Variants in KIAA1217 observed in about 807,000 individuals in gnomAD.
KIAA1217 encodes KIAA1217.
Under a neutral mutation model 163.9 loss-of-function variants are expected in KIAA1217, and 88 were observed. The ratio of observed to expected loss-of-function variants is 0.54; its 90% CI spans 0.45 to 0.64. The LOEUF is 0.64. Ranked by LOEUF, KIAA1217 falls within the 30% of genes least tolerant of loss-of-function variation. The pLI is 0.00. For missense variants in KIAA1217, 2,372 were observed against 2,475.0 expected (o/e 0.96, Z 0.88); for synonymous variants, 903 against 923.1 (o/e 0.98, Z 0.39).
At chr10:24,501,334 T>C (rs1328710907) in intron 8 of KIAA1217, 45 bp from the exon 9 acceptor site, 3 of 1,577,162 alleles carry the variant, frequency 1.9e-6, no homozygotes, top group South Asian at 1.1e-5. Flanking sequence ...TAGCTTAGAC[T>C]TTCCTTTGTG....
intron 1 of KIAA1217, among the ~76,000 whole-genome samples, chr10:23,919,952 G>A (rs1168799112): frequency 6.6e-6 from 1 of 152,004 alleles, no homozygotes; most frequent in African/African-American, 2.4e-5. Context: ...ATTTTTACAG[G>A]GCACAATCCA....
intron 2 of KIAA1217, among the ~76,000 whole-genome samples, chr10:24,339,462 T>A (rs1410006948): frequency 1.3e-5 from 2 of 152,228 alleles, no homozygotes; most frequent in Admixed American, 6.5e-5. Context: ...AAGTAACATG[T>A]TTGAAGCTCA....
intron 1 of KIAA1217, among the ~76,000 whole-genome samples, chr10:23,824,685 A>G (rs1160599077): frequency 1.5e-5 from 2 of 137,110 alleles, no homozygotes; most frequent in South Asian, 2.4e-4. Context: ...ATATATATGT[A>G]TATATGATAT....
At chr10:24,309,574 AAC>A (rs1257656846) in intron 2 of KIAA1217, among the ~76,000 whole-genome samples, 3 of 152,140 alleles carry the variant, frequency 2.0e-5, no homozygotes. Context: ...GAACCCACCG[AAC>A]ACAGTTTCTT....
At chr10:24,330,570 C>A (rs2045547474) in intron 2 of KIAA1217, among the ~76,000 whole-genome samples, 1 of 152,066 alleles carries the variant, frequency 6.6e-6, no homozygotes, top group South Asian at 2.1e-4. Context: ...GGTCTTGCTG[C>A]CCTCTTCTGC....
At chr10:24,540,793 C>A (rs188754724) in intron 17 of KIAA1217, among the ~76,000 whole-genome samples, 64 of 152,130 alleles carry the variant, frequency 4.2e-4, no homozygotes, top group African/African-American at 1.1e-3. Context: ...TGAGACAGAA[C>A]CTTGCTCTGT....
chr10:23,891,463 C>T (rs57690723), intron 1 of KIAA1217, among the ~76,000 whole-genome samples: 2,946 of 151,960 alleles, frequency 0.019, 98 homozygotes, highest in African/African-American at 0.064. Flanking sequence ...CTCTCTTGCC[C>T]TCAGGACCCA....
At chr10:23,934,557 G>GTATATATATATATATATATATATA (rs778185120) in intron 1 of KIAA1217, among the ~76,000 whole-genome samples, 1 of 44,348 alleles carries the variant, frequency 2.3e-5, no homozygotes, top group Non-Finnish European at 3.9e-5. Context: ...GGTCTTTAAA[G>GTATATATATATATATATATATATA]TATATATATA....
intron 1 of KIAA1217, among the ~76,000 whole-genome samples, chr10:23,802,383 C>T (rs1836511294): frequency 6.6e-6 from 1 of 152,196 alleles, no homozygotes; most frequent in Admixed American, 6.5e-5. Flanking sequence ...AATAGTACAA[C>T]ATGGCCACAT....
intron 1 of KIAA1217, among the ~76,000 whole-genome samples, chr10:23,906,956 G>T (rs1199805362): frequency 6.6e-6 from 1 of 152,054 alleles, no homozygotes; most frequent in Non-Finnish European, 1.5e-5. Context: ...ATATTTATAA[G>T]AAGCAAAACT....
chr10:23,764,696 A>G (rs529163394), intron 1 of KIAA1217, among the ~76,000 whole-genome samples: 57 of 152,318 alleles, frequency 3.7e-4, no homozygotes, highest in Non-Finnish European at 6.8e-4. Context: ...AAACAGGAAT[A>G]GAAAACCAAA....
chr10:23,733,711 C>T (rs994137284), intron 1 of KIAA1217, among the ~76,000 whole-genome samples: 1 of 151,850 alleles, frequency 6.6e-6, no homozygotes, highest in Non-Finnish European at 1.5e-5. Context: ...TAGAGAGGGC[C>T]TCCTGAATTG....
chr10:24,531,381 G>A (rs1261274264), intron 14 of KIAA1217, among the ~76,000 whole-genome samples: 4 of 152,024 alleles, frequency 2.6e-5, no homozygotes, highest in Non-Finnish European at 4.4e-5. Flanking sequence ...TTTTCAGACT[G>A]AGGGATGAAG....
intron 1 of KIAA1217, among the ~76,000 whole-genome samples, chr10:23,803,903 A>G (rs1836606698): frequency 6.6e-6 from 1 of 152,194 alleles, no homozygotes; most frequent in Admixed American, 6.5e-5. Flanking sequence ...ACACACAATG[A>G]CAAAGACATT....
chr10:23,840,709 A>G (rs748673228), intron 1 of KIAA1217, among the ~76,000 whole-genome samples: 2 of 152,206 alleles, frequency 1.3e-5, no homozygotes, highest in Admixed American at 6.5e-5. Context: ...TAGTTGATAT[A>G]GATGTGTTTA....
chr10:24,300,705 C>T (rs951131145), intron 2 of KIAA1217, among the ~76,000 whole-genome samples: 1 of 151,908 alleles, frequency 6.6e-6, no homozygotes, highest in Non-Finnish European at 1.5e-5. Context: ...GTAGCTGGGA[C>T]TAGAGGCATG....
In KIAA1217 at chr10:24,334,592, A is replaced by G. The variant is rs535773012; in HGVS notation, c.355-46277A>G. ...TAAGGACTTATAAATCCTTACATCT[A>G]AGTGCCTTACAGTAGTGTATATAAA... On this transcript the variant is annotated intron_variant, in intron 2 of 20. Coordinates refer to ENST00000376454, the MANE Select transcript of KIAA1217 (RefSeq NM_019590.5). Among the ~76,000 whole-genome samples, 3 of 152,314 alleles carry G rather than the reference A, an allele frequency of 2.0e-5. No individual in the cohort carries two copies. In the South Asian group the frequency reaches 6.2e-4, roughly 32 times the overall value.
At chr10:23,939,355 T>C (rs772722302) in intron 1 of KIAA1217, among the ~76,000 whole-genome samples, 1 of 152,126 alleles carries the variant, frequency 6.6e-6, no homozygotes, top group Non-Finnish European at 1.5e-5. Flanking sequence ...ATGTGTGTGG[T>C]GCATACTTCA....
intron 2 of KIAA1217, among the ~76,000 whole-genome samples, chr10:24,332,492 G>A (rs893012894): frequency 6.6e-6 from 1 of 152,060 alleles, no homozygotes; most frequent in Non-Finnish European, 1.5e-5. Context: ...GAAATGGCTT[G>A]TAAGCTGTAA....
Sources: allele counts gnomAD v4.1 joint callset (sites outside exome capture counted in the v4.1 genomes callset), GRCh38; gene constraint gnomAD v4.1.1; transcripts MANE v1.5; gene names NCBI Gene and HGNC (gene_info 2026-07-23, HGNC 2026-07-21).